ATXN3: variants seen among roughly 807,000 people sequenced by gnomAD.
ATXN3 encodes ataxin-3.
ATXN3 carries 28 observed loss-of-function variants against 58.2 expected under a neutral mutation model. The ratio of observed to expected loss-of-function variants is 0.48; its 90% CI spans 0.36 to 0.66. ATXN3 has a LOEUF of 0.66. ATXN3 is among the 30% of genes least tolerant of loss of function. The pLI is 0.00. For missense variants in ATXN3, 321 were observed against 422.1 expected, an observed-to-expected ratio of 0.76 and a Z score of 2.10; for synonymous variants, 113 against 138.5, an observed-to-expected ratio of 0.82 and a Z score of 1.29.
Position 92,094,301 on chromosome 14 carries a change from C to T in ATXN3, c.235-470G>A, listed in dbSNP as rs138631973. Among the ~76,000 whole-genome samples the T allele has an allele frequency of 4.9e-4, 75 of 152,216 alleles. 1 individual carries two copies. The highest frequency in any genetic ancestry group is 1.2e-4 in the Non-Finnish European group (8 of 68,002). Reference sequence around the variant, plus strand: ...ATCACTAAATCCATAAAAAAAAACACATATATATTAGAAGAGTGCTTTTCA... The same window carrying T: ...ATCACTAAATCCATAAAAAAAAACATATATATATTAGAAGAGTGCTTTTCA... On this transcript the variant is annotated intron_variant, in intron 3 of 10. Transcript: ENST00000644486.
intron 1 of ATXN3, among the ~76,000 whole-genome samples, chr14:92,097,492 C>G (rs2065688438): frequency 6.6e-6 from 1 of 151,144 alleles, no homozygotes; most frequent in South Asian, 2.1e-4. Context: ...TCCAAAAGTG[C>G]TGGGATTACA....
At position 92,075,378 on chromosome 14, in the gene ATXN3, G is replaced by A. The variant is rs374598990; in HGVS notation, c.873-4325C>T. Among the ~76,000 whole-genome samples the A allele has an allele frequency of 3.0e-4, 46 of 152,184 alleles. No homozygotes were observed. In the South Asian group the frequency reaches 8.5e-3, roughly 28 times the overall value. On this transcript the variant is annotated intron_variant, in intron 9 of 10. Transcript: ENST00000644486. ...GAAGAGGTTTCGCCATGTTGGCCAGGCTAGTCTCGAACTCCTGACCTCAGA... is the reference window on the plus strand; with the variant it reads ...GAAGAGGTTTCGCCATGTTGGCCAGACTAGTCTCGAACTCCTGACCTCAGA...
At chr14:92,067,559 G>A (rs2140290268) in intron 10 of ATXN3, among the ~76,000 whole-genome samples, 1 of 152,246 alleles carries the variant, frequency 6.6e-6, no homozygotes, top group Non-Finnish European at 1.5e-5. Context: ...ACCACGCCCA[G>A]CTAATTTTTG....
At position 92,060,734 on chromosome 14, in the gene ATXN3, A is replaced by AT. The variant is rs35141835; in HGVS notation, c.*3585dup. On this transcript the variant is annotated 3_prime_UTR_variant, in exon 11 of 11. Coordinates refer to ENST00000644486, the MANE Select transcript of ATXN3 (RefSeq NM_004993.6). ...TTTAGTAGCTCTTGGCACTAGCATG[A>AT]TTTTTTTTTTTTTTTTGAGACAGAG... 41,787 of 138,532 alleles carry AT rather than the reference A, an allele frequency of 0.3. 6,598 individuals are homozygous for AT. Among genetic ancestry groups the AT allele is most frequent in the African/African-American group, 0.36 (13,526 of 37,128 alleles). The allele number at this position is 138,532 out of a possible 1,614,324, so 8.6% of individuals were successfully genotyped here. A position where few individuals can be genotyped will look rare whatever the true frequency, so the allele number is the denominator to read the frequency against.
chr14:92,091,458 G>GGAAA (rs544864800), intron 5 of ATXN3, among the ~76,000 whole-genome samples: 1 of 98,350 alleles, frequency 1.0e-5, no homozygotes, highest in Non-Finnish European at 2.3e-5. Flanking sequence ...CTCAAAAGAA[G>GGAAA]GAAAGAAAGA....
At chr14:92,085,610 T>C (rs1448477998) in intron 6 of ATXN3, among the ~76,000 whole-genome samples, 1 of 152,122 alleles carries the variant, frequency 6.6e-6, no homozygotes, top group Non-Finnish European at 1.5e-5. Flanking sequence ...CGGTATAATA[T>C]ATAGGAACCA....
chr14:92,097,524 C>A (rs1160459258), intron 1 of ATXN3, among the ~76,000 whole-genome samples: 1 of 150,866 alleles, frequency 6.6e-6, no homozygotes, highest in Admixed American at 6.6e-5. Flanking sequence ...CCACACCTGG[C>A]CAACTTTTTT....
chr14:92,067,818 G>A (rs974301669), intron 10 of ATXN3, among the ~76,000 whole-genome samples: 2 of 152,224 alleles, frequency 1.3e-5, no homozygotes, highest in African/African-American at 4.8e-5. Flanking sequence ...GGAAAAGGGA[G>A]TGCCACCTCG....
intron 6 of ATXN3, among the ~76,000 whole-genome samples, chr14:92,088,169 C>T (rs989916630): frequency 4.5e-4 from 69 of 152,020 alleles, no homozygotes; most frequent in Admixed American, 3.9e-3. Context: ...CCTGGGTTCA[C>T]GCCATTCTCC....
At chr14:92,069,529 C>T (rs1013057675) in intron 10 of ATXN3, among the ~76,000 whole-genome samples, 3 of 151,590 alleles carry the variant, frequency 2.0e-5, no homozygotes, top group South Asian at 2.1e-4. Flanking sequence ...CCTGCCATCA[C>T]GCCTGGCTAA....
In ATXN3 at chr14:92,083,268, A is replaced by G. The variant is rs777844695; in HGVS notation, c.476-10T>C. The stretch of plus-strand genomic sequence containing the variant: ...ACAAATATAGAATAACCTAAAAAAA[A>G]AAGGCAAAAATCAACCTAACCAGTT... On this transcript the variant is annotated splice_polypyrimidine_tract_variant and intron_variant, in intron 6 of 10. Transcript: ENST00000644486. 6.2e-5 allele frequency: 99 copies of G among 1,590,854 alleles called. No homozygotes were observed. The highest frequency in any genetic ancestry group is 8.3e-5 in the Non-Finnish European group (98 of 1,173,960).
intron 2 of ATXN3, among the ~76,000 whole-genome samples, chr14:92,046,903 C>T (rs2057430464): frequency 1.3e-5 from 2 of 152,108 alleles, no homozygotes; most frequent in African/African-American, 2.4e-5. Flanking sequence ...TGGAGGGGGA[C>T]ATCCGATATC....
chr14:92,098,965 T>C (rs2066058151), intron 1 of ATXN3, among the ~76,000 whole-genome samples: 1 of 152,164 alleles, frequency 6.6e-6, no homozygotes, highest in African/African-American at 2.4e-5. Context: ...TGCCTGGTAC[T>C]AAGTAGCCTG....
Position 92,082,484 on chromosome 14 carries a change from T to G in ATXN3, c.609-18A>C, listed in dbSNP as rs778309138. 8.8e-6 allele frequency: 14 copies of G among 1,590,512 alleles called. No homozygotes were observed. Among genetic ancestry groups the G allele is most frequent in the African/African-American group, 1.3e-5 (1 of 74,226 alleles). The stretch of plus-strand genomic sequence containing the variant: ...TATGGACTCTAAAGAACAAAAGCAC[T>G]GGTAATAACTGCAACCAATCTTCTA... On this transcript the variant is annotated intron_variant, in intron 7 of 10. Transcript: ENST00000644486.
intron 9 of ATXN3, among the ~76,000 whole-genome samples, chr14:92,072,888 A>G (rs892653599): frequency 6.6e-6 from 1 of 152,242 alleles, no homozygotes; most frequent in Non-Finnish European, 1.5e-5. Context: ...AACAATAAAG[A>G]AAGTTCAACT....
intron 5 of ATXN3, among the ~76,000 whole-genome samples, chr14:92,092,567 C>T (rs2064080582): frequency 1.3e-5 from 2 of 152,068 alleles, no homozygotes; most frequent in South Asian, 4.1e-4. Context: ...CAGCACTATG[C>T]TAAATACAAA....
intron 9 of ATXN3, chr14:92,079,521 A>C: frequency 2.6e-6 from 2 of 765,974 alleles, no homozygotes; most frequent in Non-Finnish European, 3.2e-6. Flanking sequence ...ATACCATCAA[A>C]TGTAAAATGA....
At chr14:92,071,600 A>G (rs1005312269) in intron 9 of ATXN3, 4 of 277,240 alleles carry the variant, frequency 1.4e-5, no homozygotes, top group Non-Finnish European at 2.8e-5. Flanking sequence ...CTGTCTCAAA[A>G]AAACAACAAA....
At chr14:92,083,410 T>C (rs1701909565) in intron 6 of ATXN3, 152 bp from the exon 7 acceptor site, 5 of 811,582 alleles carry the variant, frequency 6.2e-6, no homozygotes, top group East Asian at 2.7e-5. Flanking sequence ...ATGATTCTTA[T>C]ACTTACTAGT....
Sources: gnomAD v4.1 joint callset for allele counts (sites outside exome capture counted in the v4.1 genomes callset) on GRCh38, gnomAD v4.1.1 for gene constraint, MANE v1.5 for transcripts, NCBI Gene and HGNC (gene_info 2026-07-23, HGNC 2026-07-21) for gene names.